SETX: variants seen among roughly 807,000 people sequenced by gnomAD.
SETX encodes the protein helicase senataxin.
A neutral mutation model predicts 227.2 loss-of-function variants in SETX; 90 were observed. The observed-to-expected ratio is 0.40, with a 90% CI of 0.33 to 0.47. The LOEUF (loss-of-function observed/expected upper bound fraction) is 0.47, where lower values mean the gene tolerates loss of function less well. Among genes scored for constraint, SETX ranks in the 20% least tolerant of loss-of-function variants. The probability of loss-of-function intolerance (pLI) is 0.91; values close to 1 mark genes in which losing one functional copy is unlikely to be tolerated. For missense variants in SETX, 3,052 were observed against 3,181.5 expected (o/e 0.96, Z 0.98); for synonymous variants, 1,210 against 1,113.2 (o/e 1.09, Z -1.73).
intron 10 of SETX, among the ~76,000 whole-genome samples, chr9:132,321,248 G>T (rs769410761): frequency 3.3e-5 from 5 of 152,164 alleles, no homozygotes; most frequent in Non-Finnish European, 7.3e-5. Context: ...GGCCGGGCGC[G>T]GTGGCTCACG....
chr9:132,276,420 G>A (rs561391055), intron 22 of SETX, among the ~76,000 whole-genome samples: 2 of 152,258 alleles, frequency 1.3e-5, no homozygotes, highest in East Asian at 1.9e-4. Flanking sequence ...ATTCTCGCCT[G>A]AGGACGCCAC....
At position 132,264,763 on chromosome 9, in the gene SETX, C is replaced by T. The variant is rs1380046990; in HGVS notation, c.7510G>A (p.Val2504Ile). Residue 2504 changes from valine (V) to isoleucine (I), a missense_variant, in exon 26 of 26, where the codon GTT becomes ATT. Val to Ile is a conservative substitution (Grantham distance 29, BLOSUM62 3). Around this residue, in one of 10 missense-constraint regions of SETX, gnomAD observed 294 missense variants for 278.8 expected, o/e 1.05. Transcript: ENST00000224140. Reference sequence around the variant, plus strand: ...GGTGTGTGGTATAGAGAAGCAGCAACAGATGTCTTGGCAAATCCACTGTCT... The same window carrying T: ...GGTGTGTGGTATAGAGAAGCAGCAATAGATGTCTTGGCAAATCCACTGTCT... Reference protein sequence around the residue: ...KLDSGFAKTSVAASLYHTPSD... With the variant: ...KLDSGFAKTSIAASLYHTPSD... 5.0e-6 allele frequency: 8 copies of T among 1,614,092 alleles called. No homozygotes were observed. The highest frequency in any genetic ancestry group is 6.8e-6 in the Non-Finnish European group (8 of 1,180,048).
Position 132,349,293 on chromosome 9 carries a change from C to G in SETX, c.136G>C (p.Glu46Gln). Residue 46 changes from glutamate (E) to glutamine (Q), a missense_variant, in exon 3 of 26, where the codon GAG becomes CAG. Physicochemically the swap from Glu to Gln is conservative, Grantham distance 29. Transcript: ENST00000224140. The stretch of plus-strand genomic sequence containing the variant: ...AATTCATCTCTTGCTTTGTGGTACT[C>G]AGCCACACACTCCAAGCAGTAGCAG... ...DLCYCLECVAEYHKARDELPF... is the reference protein window; with the variant it reads ...DLCYCLECVAQYHKARDELPF... The G allele has an allele frequency of 6.2e-7, 1 of 1,614,072 alleles. No individual in the cohort carries two copies. Among genetic ancestry groups the G allele is most frequent in the Non-Finnish European group, 8.5e-7 (1 of 1,180,026 alleles).
At chr9:132,333,402 A>ATATATATATAT (rs1213588784) in intron 7 of SETX, among the ~76,000 whole-genome samples, 21 of 74,268 alleles carry the variant, frequency 2.8e-4, no homozygotes, top group African/African-American at 1.4e-3. Flanking sequence ...AAAAAAGAAA[A>ATATATATATAT]AAAAAAATAT....
At chr9:132,346,044 G>A (rs542520561) in intron 4 of SETX, among the ~76,000 whole-genome samples, 1 of 152,062 alleles carries the variant, frequency 6.6e-6, no homozygotes, top group African/African-American at 2.4e-5. Context: ...ACAATCTTCA[G>A]TTACCCTCTG....
intron 21 of SETX, among the ~76,000 whole-genome samples, chr9:132,277,428 G>T (rs953886395): frequency 4.6e-5 from 7 of 151,978 alleles, no homozygotes; most frequent in African/African-American, 1.7e-4. Flanking sequence ...TGTTAAGTAT[G>T]GTCCCACATT....
chr9:132,352,963 C>T (rs868199232), intron 2 of SETX, among the ~76,000 whole-genome samples: 1 of 152,200 alleles, frequency 6.6e-6, no homozygotes, highest in Non-Finnish European at 1.5e-5. Context: ...TCTCTACTTT[C>T]TTCTCAGTGC....
At chr9:132,325,135 T>C (rs1235254747) in intron 10 of SETX, among the ~76,000 whole-genome samples, 1 of 152,036 alleles carries the variant, frequency 6.6e-6, no homozygotes, top group African/African-American at 2.4e-5. Flanking sequence ...GGCGGGCAGA[T>C]CACAAGGTCA....
In SETX at chr9:132,326,741, T is replaced by G. The variant is rs951004418; in HGVS notation, c.4857A>C (p.Ala1619=). Residue 1619 remains alanine, a synonymous_variant, in exon 10 of 26, where the codon GCA becomes GCC. Coordinates refer to ENST00000224140, the MANE Select transcript of SETX (RefSeq NM_015046.7). ...ACTTATTTTTTAGAGACGGTGAAAG[T>G]GCTGAAGAAGTTTCCAAAGATTTAG... The part of the protein sequence containing the change: ...GLSKSLETSS[A]LSPSLKNKSK... The G allele has an allele frequency of 6.2e-7, 1 of 1,614,230 alleles. No homozygotes were observed. The highest frequency in any genetic ancestry group is 8.5e-7 in the Non-Finnish European group (1 of 1,180,038).
At chr9:132,310,549 G>T (rs1457222865) in intron 11 of SETX, among the ~76,000 whole-genome samples, 3 of 152,316 alleles carry the variant, frequency 2.0e-5, no homozygotes, top group Admixed American at 1.3e-4. Context: ...CCCTTGGCTG[G>T]TATCTAGGAA....
At chr9:132,345,197 A>G (rs1848215864) in intron 4 of SETX, among the ~76,000 whole-genome samples, 2 of 152,240 alleles carry the variant, frequency 1.3e-5, no homozygotes. Flanking sequence ...CACAGCCCAC[A>G]GCAAAGGATT....
chr9:132,302,969 AT>A (rs573983370), intron 11 of SETX, among the ~76,000 whole-genome samples: 1 of 151,916 alleles, frequency 6.6e-6, no homozygotes, highest in African/African-American at 2.4e-5. Context: ...GAAAGGCTAC[AT>A]TTTTTTTAAC....
rs113733361 is a variant in SETX at position 132,315,637 on chromosome 9, C to T, written c.5275-3781G>A. Among the ~76,000 whole-genome samples, 425 of 152,292 alleles carry T rather than the reference C, an allele frequency of 2.8e-3. 4 individuals carry two copies. The highest frequency in any genetic ancestry group is 0.01 in the African/African-American group (416 of 41,546). On this transcript the variant is annotated intron_variant, in intron 10 of 25. Coordinates refer to ENST00000224140, the MANE Select transcript of SETX (RefSeq NM_015046.7). Reference sequence around the variant, plus strand: ...CCAATCAATATGTATGTTTTCAAAACACTCCTTCCACTCACTTCTTTGTAC... The same window carrying T: ...CCAATCAATATGTATGTTTTCAAAATACTCCTTCCACTCACTTCTTTGTAC...
At chr9:132,334,490 C>T (rs931396325) in intron 7 of SETX, 118 bp downstream of exon 7, 19 of 1,190,952 alleles carry the variant, frequency 1.6e-5, no homozygotes, top group Non-Finnish European at 2.3e-5. Flanking sequence ...GAATCTATTA[C>T]TAAACCAGAA....
At chr9:132,333,458 C>A (rs513622) in intron 7 of SETX, among the ~76,000 whole-genome samples, 4 of 111,246 alleles carry the variant, frequency 3.6e-5, no homozygotes, top group Non-Finnish European at 5.2e-5. Flanking sequence ...CACACACACA[C>A]GCCCTATCAA....
chr9:132,310,740 T>C (rs894912003), intron 11 of SETX, among the ~76,000 whole-genome samples: 2 of 152,224 alleles, frequency 1.3e-5, no homozygotes, highest in Non-Finnish European at 2.9e-5. Flanking sequence ...CACTAATTCA[T>C]AGATTCTTCT....
At chr9:132,338,305 C>G (rs1219075235) in intron 5 of SETX, among the ~76,000 whole-genome samples, 2 of 152,030 alleles carry the variant, frequency 1.3e-5, no homozygotes, top group Admixed American at 6.6e-5. Flanking sequence ...GCTGGCCAGG[C>G]TGGTCTCGAA....
rs1843490869 is a variant in SETX, at chr9:132,281,376, G to T, written c.6654+91C>A. 3.6e-6 allele frequency: 3 copies of T among 842,714 alleles called. No homozygotes were observed. In the Admixed American group the frequency reaches 5.6e-5, roughly 16 times the overall value. The allele number at this position is 842,714 out of a possible 1,614,324, so 52.2% of individuals were successfully genotyped here. A position where few individuals can be genotyped will look rare whatever the true frequency, so the allele number is the denominator to read the frequency against. Reference sequence around the variant, plus strand: ...CTTACTTTTCCCTCCAAATTAAGAGGCCAATCCAAGAAAGATGTCTCTCCC... The same window carrying T: ...CTTACTTTTCCCTCCAAATTAAGAGTCCAATCCAAGAAAGATGTCTCTCCC... On this transcript the variant is annotated intron_variant, in intron 20 of 25. Coordinates refer to ENST00000224140, the MANE Select transcript of SETX (RefSeq NM_015046.7).
At chr9:132,277,437 T>A (rs909775589) in intron 21 of SETX, among the ~76,000 whole-genome samples, 7 of 152,120 alleles carry the variant, frequency 4.6e-5, no homozygotes, top group African/African-American at 1.7e-4. Flanking sequence ...TGGTCCCACA[T>A]TTTTCCTTCA....
Sources: allele counts gnomAD v4.1 joint callset (sites outside exome capture counted in the v4.1 genomes callset), GRCh38; gene constraint gnomAD v4.1.1; regional missense constraint gnomAD v4.1.1; transcripts MANE v1.5; gene names NCBI Gene and HGNC (gene_info 2026-07-23, HGNC 2026-07-21).